KCNK13: variants seen among roughly 807,000 people sequenced by gnomAD.
KCNK13 encodes the protein potassium channel subfamily K member 13.
A neutral mutation model predicts 23.4 loss-of-function variants in KCNK13; 12 were observed. The ratio of observed to expected loss-of-function variants is 0.51; its 90% CI spans 0.33 to 0.83. The LOEUF (loss-of-function observed/expected upper bound fraction) is 0.83, where lower values mean the gene tolerates loss of function less well. KCNK13 is among the 40% of genes least tolerant of loss of function. KCNK13 has a pLI of 0.02. For synonymous variants in KCNK13, 231 were observed against 229.5 expected (o/e 1.01, Z -0.06); for missense variants, 463 against 556.3 (o/e 0.83, Z 1.69).
intron 1 of KCNK13, among the ~76,000 whole-genome samples, chr14:90,114,348 C>T (rs1889649913): frequency 6.6e-6 from 1 of 152,168 alleles, no homozygotes; most frequent in South Asian, 2.1e-4. Flanking sequence ...AACTTGGCTG[C>T]ACATTGGAAT....
intron 1 of KCNK13, among the ~76,000 whole-genome samples, chr14:90,161,418 T>C (rs1157789057): frequency 2.6e-5 from 4 of 152,182 alleles, no homozygotes; most frequent in Non-Finnish European, 5.9e-5. Context: ...GAACTATACA[T>C]TTTAAAATGG....
intron 1 of KCNK13, among the ~76,000 whole-genome samples, chr14:90,139,923 C>T (rs571691431): frequency 2.0e-5 from 3 of 152,332 alleles, no homozygotes; most frequent in Admixed American, 2.0e-4. Flanking sequence ...GATCACACCA[C>T]TGCCCTCCAG....
chr14:90,178,835 G>A (rs899524934), intron 1 of KCNK13, among the ~76,000 whole-genome samples: 1 of 151,400 alleles, frequency 6.6e-6, no homozygotes, highest in African/African-American at 2.4e-5. Flanking sequence ...CTACCCTCAA[G>A]TATTTCTAGA....
intron 1 of KCNK13, among the ~76,000 whole-genome samples, chr14:90,091,938 T>TG (rs1478921182): frequency 4.6e-5 from 7 of 151,442 alleles, no homozygotes; most frequent in Non-Finnish European, 8.9e-5. Flanking sequence ...CTTTTTTTTT[T>TG]TTTTTTGAGA....
chr14:90,184,891 A>G lies in KCNK13; in HGVS notation c.1115A>G (p.Asn372Ser). 6 of 1,613,808 alleles carry G rather than the reference A, an allele frequency of 3.7e-6. No homozygotes were observed. Among genetic ancestry groups the G allele is most frequent in the Non-Finnish European group, 5.1e-6 (6 of 1,179,950 alleles). The change falls in exon 2 of 2, where the codon AAC becomes AGC. Residue 372 changes from asparagine (N) to serine (S), a missense_variant. By Grantham distance (46) the Asn-to-Ser change is conservative (BLOSUM62 1). This residue lies in a region of KCNK13 where 166 missense variants were observed against 178.8 expected (regional missense o/e 0.93). Transcript: ENST00000282146. This position sits in a 1 kb window ranked among gnomAD's most constrained non-coding sequence, Gnocchi z 5.6. ...CAGAAGCAACTGTCTGAGATGGCCA[A>G]CGGCTGCCCCCACCAGACCAGCACA... Reference protein sequence around the residue: ...ILQKQLSEMANGCPHQTSTLA... With the variant: ...ILQKQLSEMASGCPHQTSTLA...
At chr14:90,178,231 C>CAAAAAAA (rs34726346) in intron 1 of KCNK13, among the ~76,000 whole-genome samples, 706 of 74,228 alleles carry the variant, frequency 9.5e-3, no homozygotes, top group East Asian at 0.019. Flanking sequence ...TTCCTAAAAG[C>CAAAAAAA]AAAAAAAAAA....
intron 1 of KCNK13, among the ~76,000 whole-genome samples, chr14:90,132,975 C>A (rs770103908): frequency 6.6e-6 from 1 of 152,098 alleles, no homozygotes; most frequent in Non-Finnish European, 1.5e-5. Flanking sequence ...ACCATTTTCA[C>A]GTTGGAACAG....
Position 90,067,581 on chromosome 14 carries a change from C to T in KCNK13, c.334+5042C>T, listed in dbSNP as rs370328900. ...TTATATTTAATGCTATTGAATTGTA[C>T]ACTTTTAAATGGTTAAAATGATAAA... is the stretch of plus-strand genomic sequence containing the variant. On this transcript the variant is annotated intron_variant, in intron 1 of 1. Transcript: ENST00000282146. Among the ~76,000 whole-genome samples the T allele has an allele frequency of 1.7e-3, 264 of 152,240 alleles. 1 individual carries two copies. The highest frequency in any genetic ancestry group is 3.6e-3 in the African/African-American group (150 of 41,548).
chr14:90,117,347 TG>T (rs1889688448), intron 1 of KCNK13, among the ~76,000 whole-genome samples: 1 of 152,156 alleles, frequency 6.6e-6, no homozygotes, highest in African/African-American at 2.4e-5. Context: ...CCCAGCACTT[TG>T]GGAGGCTGAG....
At chr14:90,162,207 AAGG>A (rs1309283247) in intron 1 of KCNK13, among the ~76,000 whole-genome samples, 4 of 152,112 alleles carry the variant, frequency 2.6e-5, no homozygotes, top group Admixed American at 2.0e-4. Flanking sequence ...CAAAAACAAA[AAGG>A]AGAACTGTCT....
intron 1 of KCNK13, among the ~76,000 whole-genome samples, chr14:90,152,246 TG>T (rs1890141702): frequency 6.6e-6 from 1 of 152,172 alleles, no homozygotes; most frequent in African/African-American, 2.4e-5. Flanking sequence ...ATGTAAGACA[TG>T]CCTTTGCGGC....
At chr14:90,177,620 T>C (rs1890437997) in intron 1 of KCNK13, among the ~76,000 whole-genome samples, 1 of 152,174 alleles carries the variant, frequency 6.6e-6, no homozygotes, top group Non-Finnish European at 1.5e-5. Context: ...CTGGAAAGGA[T>C]ACACAAAGTA....
At chr14:90,157,130 C>T (rs915246431) in intron 1 of KCNK13, among the ~76,000 whole-genome samples, 15 of 152,180 alleles carry the variant, frequency 9.9e-5, no homozygotes, top group Non-Finnish European at 1.9e-4. Context: ...CTGCAAGAAT[C>T]TGAAATGCCA....
chr14:90,068,192 G>A (rs57930281), intron 1 of KCNK13, among the ~76,000 whole-genome samples: 21,675 of 152,084 alleles, frequency 0.14, 1,907 homozygotes, highest in African/African-American at 0.24. Flanking sequence ...CCACATCCTT[G>A]GCCAAATCAA....
intron 1 of KCNK13, among the ~76,000 whole-genome samples, chr14:90,142,468 G>A (rs1225114109): frequency 6.6e-6 from 1 of 151,658 alleles, no homozygotes; most frequent in Non-Finnish European, 1.5e-5. Flanking sequence ...ACAGGTGCCC[G>A]CCACCATGCC....
chr14:90,145,168 G>T (rs1890059037), intron 1 of KCNK13, among the ~76,000 whole-genome samples: 1 of 152,164 alleles, frequency 6.6e-6, no homozygotes, highest in Non-Finnish European at 1.5e-5. Context: ...AGCACTTTGG[G>T]ACGCTGAGGC....
chr14:90,123,769 C>T lies in KCNK13; in HGVS notation c.335-60342C>T, dbSNP rs186321200. Among the ~76,000 whole-genome samples, 12 of 152,192 alleles carry T rather than the reference C, an allele frequency of 7.9e-5. No homozygotes were observed. In the East Asian group the frequency reaches 1.2e-3, roughly 15 times the overall value. ...GACTCAGCCTCCCATGTAGCTGGGA[C>T]GATAGCCATGCACCACCACACCTGG... On this transcript the variant is annotated intron_variant, in intron 1 of 1. Coordinates refer to ENST00000282146, the MANE Select transcript of KCNK13 (RefSeq NM_022054.4).
intron 1 of KCNK13, among the ~76,000 whole-genome samples, chr14:90,167,605 T>C (rs1235020259): frequency 6.6e-6 from 1 of 152,152 alleles, no homozygotes; most frequent in Non-Finnish European, 1.5e-5. Context: ...TACCAATGGT[T>C]AAGGTGCCAC....
intron 1 of KCNK13, among the ~76,000 whole-genome samples, chr14:90,109,006 C>T (rs567134484): frequency 1.3e-5 from 2 of 152,178 alleles, no homozygotes; most frequent in East Asian, 3.9e-4. Context: ...GAAACCCCGT[C>T]TCTACTAAAA....
Sources: gnomAD v4.1 joint callset for allele counts (sites outside exome capture counted in the v4.1 genomes callset) on GRCh38, gnomAD v4.1.1 for gene constraint, gnomAD v4.1.1 regional missense constraint, Gnocchi (gnomAD v3.1) non-coding constraint, MANE v1.5 for transcripts, NCBI Gene and HGNC (gene_info 2026-07-23, HGNC 2026-07-21) for gene names.